Variants in AKAP9 observed in about 807,000 individuals in gnomAD.
AKAP9 encodes A-kinase anchor protein 9.
Under a neutral mutation model 488.5 loss-of-function variants are expected in AKAP9, and 311 were observed. The ratio of observed to expected loss-of-function variants is 0.64; its 90% CI spans 0.58 to 0.70. The LOEUF (loss-of-function observed/expected upper bound fraction) is 0.70. Ranked by LOEUF, AKAP9 falls within the 30% of genes least tolerant of loss-of-function variation. AKAP9 has a pLI of 0.00. For missense variants in AKAP9, 4,215 were observed against 4,374.5 expected (o/e 0.96, Z 1.03); for synonymous variants, 1,462 against 1,483.5 (o/e 0.99, Z 0.33).
At chr7:92,085,186 T>C (rs1243201453) in intron 35 of AKAP9, among the ~76,000 whole-genome samples, 1 of 152,196 alleles carries the variant, frequency 6.6e-6, no homozygotes, top group African/African-American at 2.4e-5. Flanking sequence ...GCCAGAATTT[T>C]TAAAGTAGTC....
At chr7:91,988,798 T>G (rs1797422086) in intron 3 of AKAP9, among the ~76,000 whole-genome samples, 1 of 152,124 alleles carries the variant, frequency 6.6e-6, no homozygotes, top group African/African-American at 2.4e-5. Flanking sequence ...ATACAGTTTG[T>G]TTTTTTATTA....
chr7:91,946,199 G>C (rs549691630), intron 1 of AKAP9, among the ~76,000 whole-genome samples: 1 of 152,224 alleles, frequency 6.6e-6, no homozygotes, highest in South Asian at 2.1e-4. Context: ...ACTGTTCTTT[G>C]CATATTTCAG....
At chr7:92,057,435 C>G (rs976963010) in intron 22 of AKAP9, among the ~76,000 whole-genome samples, 1 of 152,058 alleles carries the variant, frequency 6.6e-6, no homozygotes, top group African/African-American at 2.4e-5. Flanking sequence ...AAAGCCCTGA[C>G]GTGGAACTTG....
chr7:92,081,264 G>C (rs912763205), intron 31 of AKAP9, among the ~76,000 whole-genome samples: 6 of 151,148 alleles, frequency 4.0e-5, no homozygotes, highest in Admixed American at 6.6e-5. Flanking sequence ...TTATTTAATA[G>C]CATCTACTGA....
chr7:92,023,069 T>C, intron 14 of AKAP9, 60 bp downstream of exon 14: 1 of 1,533,216 alleles, frequency 6.5e-7, no homozygotes, highest in Non-Finnish European at 9.0e-7. Flanking sequence ...AATTATAGTA[T>C]CATCCAGAAT....
At chr7:92,067,918 T>G (rs774757805) in intron 26 of AKAP9, among the ~76,000 whole-genome samples, 1 of 152,226 alleles carries the variant, frequency 6.6e-6, no homozygotes, top group Non-Finnish European at 1.5e-5. Flanking sequence ...ACACTTTAAC[T>G]AGTATTATTT....
At chr7:92,093,724 GAC>G (rs1326301598) in intron 39 of AKAP9, among the ~76,000 whole-genome samples, 1 of 152,096 alleles carries the variant, frequency 6.6e-6, no homozygotes, top group Non-Finnish European at 1.5e-5. Flanking sequence ...TGTTGCCAAA[GAC>G]ACATTACAAC....
rs954452254 is a variant in AKAP9 at position 91,974,055 on chromosome 7, A to G, written c.306+87A>G. 2.6e-6 allele frequency: 4 copies of G among 1,512,344 alleles called. No individual in the cohort carries two copies. In the South Asian group the frequency reaches 4.6e-5, roughly 17 times the overall value. 93.7% of individuals were successfully genotyped at this position (1,512,344 alleles called of 1,614,324 possible). A position where few individuals can be genotyped will look rare whatever the true frequency, so the allele number is the denominator to read the frequency against. ...GTCATTAGCAACTGTGCGCAATTTG[A>G]TCATGATTTTTATGTCCTCTTGAAA... On this transcript the variant is annotated intron_variant, in intron 2 of 49. Coordinates refer to ENST00000356239, the MANE Select transcript of AKAP9 (RefSeq NM_005751.5).
Position 92,110,404 on chromosome 7 carries a change from A to G in AKAP9, c.*245A>G, listed in dbSNP as rs1327427090. ...TATTTGTGGAATGCTAATTTAAAAC[A>G]TTAAATTATAAACCTTGTGTATTTA... On this transcript the variant is annotated 3_prime_UTR_variant, in exon 50 of 50. Coordinates refer to ENST00000356239, the MANE Select transcript of AKAP9 (RefSeq NM_005751.5). The G allele has an allele frequency of 9.7e-6, 5 of 516,620 alleles. No homozygotes were observed. 32.0% of individuals were successfully genotyped at this position (516,620 alleles called of 1,614,324 possible).
intron 12 of AKAP9, among the ~76,000 whole-genome samples, chr7:92,018,127 G>A (rs1289531127): frequency 6.6e-6 from 1 of 152,186 alleles, no homozygotes; most frequent in African/African-American, 2.4e-5. Flanking sequence ...CGGCTGCCCA[G>A]CTTGTGCATC....
In AKAP9 at chr7:92,001,397, G is replaced by A; in HGVS notation, c.1480G>A (p.Ala494Thr). Reference sequence around the variant, plus strand: ...AGATCAGATAAAGTTAATGAATGTGGCAATAAATGAACTGAATATAAAATT... The same window carrying A: ...AGATCAGATAAAGTTAATGAATGTGACAATAAATGAACTGAATATAAAATT... ...NEDQIKLMNV[A>T]INELNIKLQD... The change falls in exon 8 of 50, where the codon GCA becomes ACA. Residue 494 changes from alanine (A) to threonine (T), a missense_variant. Ala to Thr is a moderately conservative substitution (Grantham distance 58). This residue lies in a region of AKAP9 where 2,361 missense variants were observed against 2,430.0 expected (regional missense o/e 0.97). Transcript: ENST00000356239. 1 of 1,613,702 alleles carries A rather than the reference G, an allele frequency of 6.2e-7. No homozygotes were observed. Among genetic ancestry groups the A allele is most frequent in the Non-Finnish European group, 8.5e-7 (1 of 1,179,744 alleles).
intron 8 of AKAP9, among the ~76,000 whole-genome samples, chr7:92,004,767 G>A (rs1017060527): frequency 2.0e-5 from 3 of 152,076 alleles, no homozygotes; most frequent in Non-Finnish European, 4.4e-5. Flanking sequence ...CTGCAAACAG[G>A]GACAATTTGA....
At chr7:92,041,825 A>G (rs1806160167) in intron 18 of AKAP9, 1 of 420,026 alleles carries the variant, frequency 2.4e-6, no homozygotes, top group Non-Finnish European at 4.2e-6. Flanking sequence ...AATTAATTGA[A>G]CTGCACAAAT....
At chr7:92,018,395 A>C (rs890227326) in intron 12 of AKAP9, among the ~76,000 whole-genome samples, 1 of 120,610 alleles carries the variant, frequency 8.3e-6, no homozygotes, top group African/African-American at 3.1e-5. Flanking sequence ...CTAAAAATAT[A>C]ACACACACAC....
At chr7:92,082,689 T>G in intron 32 of AKAP9, 27 bp downstream of exon 32, 1 of 1,611,908 alleles carries the variant, frequency 6.2e-7, no homozygotes, top group East Asian at 2.2e-5. Flanking sequence ...AGCTCCTAAT[T>G]CACTCATTTC....
chr7:92,051,410 G>C (rs1484033176), intron 21 of AKAP9, among the ~76,000 whole-genome samples: 2 of 152,196 alleles, frequency 1.3e-5, no homozygotes, highest in East Asian at 3.8e-4. Context: ...ATAAGTACCA[G>C]TGTAGCTGAT....
At chr7:91,988,155 T>C (rs1797328120) in intron 3 of AKAP9, among the ~76,000 whole-genome samples, 1 of 152,056 alleles carries the variant, frequency 6.6e-6, no homozygotes, top group Non-Finnish European at 1.5e-5. Context: ...CAATTTAGTT[T>C]TTTTGACCAA....
At chr7:92,108,845 T>A (rs1472774112) in intron 49 of AKAP9, 2 of 617,568 alleles carry the variant, frequency 3.2e-6, no homozygotes, top group African/African-American at 3.7e-5. Context: ...TCACCCCAGA[T>A]CCCACTCCTC....
At position 92,077,836 on chromosome 7, in the gene AKAP9, G is replaced by A. The variant is rs746485312; in HGVS notation, c.6906G>A (p.Thr2302=). 20 of 1,613,372 alleles carry A rather than the reference G, an allele frequency of 1.2e-5. No individual in the cohort carries two copies. Among genetic ancestry groups the A allele is most frequent in the Middle Eastern group, 1.6e-4 (1 of 6,078 alleles). ...TTGACCAATTAAATGAACAAGTTAC[G>A]AAACTCCAGCAGCAACTTAAAATTA... ...VEIDQLNEQV[T]KLQQQLKITT... The change falls in exon 30 of 50, where the codon ACG becomes ACA. Residue 2302 remains threonine (T), a synonymous_variant. Transcript: ENST00000356239.
Sources: gnomAD v4.1 joint callset for allele counts (sites outside exome capture counted in the v4.1 genomes callset) on GRCh38, gnomAD v4.1.1 for gene constraint, gnomAD v4.1.1 regional missense constraint, MANE v1.5 for transcripts, NCBI Gene and HGNC (gene_info 2026-07-23, HGNC 2026-07-21) for gene names.